Variants in INPP5A observed in about 807,000 individuals in gnomAD.
INPP5A encodes the protein 43 kDa inositol polyphosphate 5-phophatase.
INPP5A carries 14 observed loss-of-function variants against 65.2 expected under a neutral mutation model. The observed-to-expected ratio is 0.21, with a 90% CI of 0.14 to 0.34. The LOEUF (loss-of-function observed/expected upper bound fraction) is 0.34, where lower values mean the gene tolerates loss of function less well. Among genes scored for constraint, INPP5A ranks in the 10% least tolerant of loss-of-function variants. INPP5A has a pLI of 1.00. For missense variants in INPP5A, 431 were observed against 545.6 expected (o/e 0.79, Z 2.09); for synonymous variants, 207 against 208.3 (o/e 0.99, Z 0.05).
In INPP5A at chr10:132,547,940, C is replaced by T. The variant is rs947594475; in HGVS notation, c.75+9769C>T. 1.4e-4 allele frequency among the ~76,000 whole-genome samples: 22 copies of T among 151,852 alleles called. No individual in the cohort carries two copies. Among genetic ancestry groups the T allele is most frequent in the African/African-American group, 5.3e-4 (22 of 41,410 alleles). Reference sequence around the variant, plus strand: ...TTTTTTTAAGATGGACACTCCATCACCCAGGCTGGAGTACAATGGCGTGAT... The same window carrying T: ...TTTTTTTAAGATGGACACTCCATCATCCAGGCTGGAGTACAATGGCGTGAT... On this transcript the variant is annotated intron_variant, in intron 1 of 15. Coordinates refer to ENST00000368594, the MANE Select transcript of INPP5A (RefSeq NM_005539.5). This position sits in a 1 kb window ranked among gnomAD's most constrained non-coding sequence, Gnocchi z 5.5.
rs550602072 is a variant in INPP5A at position 132,780,897 on chromosome 10, G to C, written c.1138G>C (p.Val380Leu). The change falls in exon 14 of 16, where the codon GTC (valine) becomes CTC (leucine). Residue 380 changes from valine to leucine, a missense_variant. Transcript: ENST00000368594. ...CACCTATGACCACATTGGGCCCAAC[G>C]TCTGCATGGGAGACCACAAGGTGAC... ...VVTYDHIGPN[V>L]CMGDHKPVFL... 1 of 1,610,610 alleles carries C rather than the reference G, an allele frequency of 6.2e-7. No homozygotes were observed. The highest frequency in any genetic ancestry group is 1.7e-5 in the Admixed American group (1 of 59,892).
At chr10:132,553,750 GGT>G (rs201472765) in intron 1 of INPP5A, among the ~76,000 whole-genome samples, 115 of 136,574 alleles carry the variant, frequency 8.4e-4, no homozygotes, top group Middle Eastern at 5.4e-3. Context: ...TCAGAGCCTT[GGT>G]GTGGAATATT....
chr10:132,770,152 C>T (rs1275833231), intron 12 of INPP5A, among the ~76,000 whole-genome samples: 1 of 152,188 alleles, frequency 6.6e-6, no homozygotes, highest in Non-Finnish European at 1.5e-5. Flanking sequence ...TTGCTCACCC[C>T]TCGTGGCCTC....
chr10:132,740,277 G>A (rs1846250193), intron 9 of INPP5A, among the ~76,000 whole-genome samples: 1 of 152,158 alleles, frequency 6.6e-6, no homozygotes, highest in Admixed American at 6.5e-5. Flanking sequence ...TTTGTCAGTA[G>A]GCTCCATAGT....
chr10:132,733,450 T>C (rs1846121646), intron 9 of INPP5A, among the ~76,000 whole-genome samples: 1 of 152,244 alleles, frequency 6.6e-6, no homozygotes, highest in Non-Finnish European at 1.5e-5. Context: ...TAATTTCAGC[T>C]GCATTAATTA....
intron 5 of INPP5A, among the ~76,000 whole-genome samples, chr10:132,694,772 C>T (rs1337048923): frequency 5.3e-5 from 8 of 152,122 alleles, no homozygotes; most frequent in Admixed American, 5.2e-4. Flanking sequence ...TAATTTCTGC[C>T]TATAAATGTA....
intron 8 of INPP5A, among the ~76,000 whole-genome samples, chr10:132,723,541 CGTGTGGGG>C (rs1564984386): frequency 1.5e-5 from 2 of 135,910 alleles, no homozygotes; most frequent in African/African-American, 5.7e-5. Flanking sequence ...GGGGATTGGC[CGTGTGGGG>C]ATTGGCCGTG....
Position 132,682,173 on chromosome 10 carries a change from C to T in INPP5A, c.307-8219C>T, listed in dbSNP as rs1310729940. On this transcript the variant is annotated intron_variant, in intron 4 of 15. Transcript: ENST00000368594. ...GTCCTGGAGGTGGGAAGGTGGACAG[C>T]GTCCTGGAGATGGGAAGGTGGACAG... Among the ~76,000 whole-genome samples the T allele has an allele frequency of 1.5e-4, 16 of 105,704 alleles. No homozygotes were observed. The East Asian group carries it at 1.6e-3, about 10-fold the overall frequency. The allele number at this position is 105,704 out of a possible 152,430, so 69.3% of individuals were successfully genotyped here. A position where few individuals can be genotyped will look rare whatever the true frequency, so the allele number is the denominator to read the frequency against.
rs749233888 is a variant in INPP5A, at chr10:132,726,909, G to A, written c.732+4G>A. Reference sequence around the variant, plus strand: ...GGATTCCAAGTCCGTCGTGGAGGTAGGCGCTGGCTTCCCTCCCGCCCTGGT... The same window carrying A: ...GGATTCCAAGTCCGTCGTGGAGGTAAGCGCTGGCTTCCCTCCCGCCCTGGT... On this transcript the variant is annotated splice_donor_region_variant and intron_variant, in intron 9 of 15. Transcript: ENST00000368594. 8 of 1,600,270 alleles carry A rather than the reference G, an allele frequency of 5.0e-6. No individual in the cohort carries two copies. The highest frequency in any genetic ancestry group is 6.8e-6 in the Non-Finnish European group (8 of 1,169,268).
chr10:132,652,051 C>G (rs1331209830), intron 4 of INPP5A, among the ~76,000 whole-genome samples: 2 of 152,152 alleles, frequency 1.3e-5, no homozygotes, highest in Admixed American at 1.3e-4. Context: ...TCCTCCCTCT[C>G]CCCCTTGGTC....
intron 2 of INPP5A, among the ~76,000 whole-genome samples, chr10:132,632,529 G>A (rs1251575327): frequency 1.3e-5 from 2 of 152,144 alleles, no homozygotes; most frequent in East Asian, 3.9e-4. Flanking sequence ...CCAGGCCCCA[G>A]AATTCCCGCC....
intron 11 of INPP5A, among the ~76,000 whole-genome samples, chr10:132,756,406 T>C (rs12774727): frequency 0.16 from 24,693 of 152,184 alleles, 2,433 homozygotes; most frequent in Non-Finnish European, 0.22. Context: ...TTGTATGCAC[T>C]TGTGTGTGTG....
chr10:132,554,128 C>T (rs139536689), intron 1 of INPP5A, among the ~76,000 whole-genome samples: 3 of 151,298 alleles, frequency 2.0e-5, no homozygotes, highest in South Asian at 2.1e-4. Flanking sequence ...AGGGAGGATT[C>T]GAGGGCGCCT....
In INPP5A at chr10:132,569,637, G is replaced by A. The variant is rs183201184; in HGVS notation, c.75+31466G>A. Among the ~76,000 whole-genome samples, 757 of 152,260 alleles carry A rather than the reference G, an allele frequency of 5.0e-3. 5 individuals carry two copies. Among genetic ancestry groups the A allele is most frequent in the African/African-American group, 0.016 (682 of 41,542 alleles). On this transcript the variant is annotated intron_variant, in intron 1 of 15. Coordinates refer to ENST00000368594, the MANE Select transcript of INPP5A (RefSeq NM_005539.5). ...CTCCCAAAGTGCTGGGATTACAGGC[G>A]TGAGCCACCTCGCTGGGTCCCCACT...
Position 132,672,147 on chromosome 10 carries a change from A to T in INPP5A, c.307-18245A>T, listed in dbSNP as rs745782813. Among the ~76,000 whole-genome samples, 3 of 152,220 alleles carry T rather than the reference A, an allele frequency of 2.0e-5. No individual in the cohort carries two copies. In the South Asian group the frequency reaches 6.2e-4, roughly 31 times the overall value. On this transcript the variant is annotated intron_variant, in intron 4 of 15. Coordinates refer to ENST00000368594, the MANE Select transcript of INPP5A (RefSeq NM_005539.5). ...ATTGTGACATTCTTTTGCTAAAAAC[A>T]TGTTTGTGCATGTATACACTTGTAC... is the stretch of plus-strand genomic sequence containing the variant.
At chr10:132,621,136 A>G (rs1174807965) in intron 2 of INPP5A, among the ~76,000 whole-genome samples, 1 of 152,250 alleles carries the variant, frequency 6.6e-6, no homozygotes, top group Non-Finnish European at 1.5e-5. Context: ...TGTAAAGGGC[A>G]TCTATCTACA....
chr10:132,618,140 T>G (rs1360047379), intron 2 of INPP5A, among the ~76,000 whole-genome samples: 1 of 152,238 alleles, frequency 6.6e-6, no homozygotes, highest in Non-Finnish European at 1.5e-5. Context: ...CTTATTCACT[T>G]TAAATACCTA....
At chr10:132,668,847 C>G (rs930508762) in intron 4 of INPP5A, among the ~76,000 whole-genome samples, 1 of 152,158 alleles carries the variant, frequency 6.6e-6, no homozygotes, top group African/African-American at 2.4e-5. Flanking sequence ...CGAGCTCCAT[C>G]GCACGACCAC....
In INPP5A at chr10:132,546,820, C is replaced by T. The variant is rs146999972; in HGVS notation, c.75+8649C>T. Among the ~76,000 whole-genome samples, 2 of 152,340 alleles carry T rather than the reference C, an allele frequency of 1.3e-5. No individual in the cohort carries two copies. Among genetic ancestry groups the T allele is most frequent in the African/African-American group, 4.8e-5 (2 of 41,582 alleles). Reference sequence around the variant, plus strand: ...CCTGGCCCTTCCCTCTCGTTTCTGCCTGGGCCTGCCTGGCTGGTCTTGCCT... The same window carrying T: ...CCTGGCCCTTCCCTCTCGTTTCTGCTTGGGCCTGCCTGGCTGGTCTTGCCT... On this transcript the variant is annotated intron_variant, in intron 1 of 15. Transcript: ENST00000368594. This position sits in a 1 kb window ranked among gnomAD's most constrained non-coding sequence, Gnocchi z 5.7.
Sources: gnomAD v4.1 joint callset for allele counts (sites outside exome capture counted in the v4.1 genomes callset) on GRCh38, gnomAD v4.1.1 for gene constraint, Gnocchi (gnomAD v3.1) non-coding constraint, MANE v1.5 for transcripts, NCBI Gene and HGNC (gene_info 2026-07-23, HGNC 2026-07-21) for gene names.